The following PCBP3 variants were observed in gnomAD, a reference collection of about 807,000 sequenced individuals.
The protein encoded by PCBP3 is poly(rC) binding protein 3.
Under a neutral mutation model 52.7 loss-of-function variants are expected in PCBP3, and 25 were observed. The ratio of observed to expected loss-of-function variants is 0.47; its 90% CI spans 0.35 to 0.66. The LOEUF (loss-of-function observed/expected upper bound fraction) is 0.66. Among genes scored for constraint, PCBP3 ranks in the 30% least tolerant of loss-of-function variants. The pLI is 0.01. For missense variants in PCBP3, 391 were observed against 490.3 expected, an observed-to-expected ratio of 0.80 and a Z score of 1.91; for synonymous variants, 162 against 183.0, an observed-to-expected ratio of 0.89 and a Z score of 0.93.
rs548296667 is a variant in PCBP3, at chr21:45,922,305, G to A, written c.717+4676G>A. ...ACAGTGGCTCTCTCCTGCGATCCCA[G>A]CACTTTGAGAGGCCAAGATGGGAGG... is the stretch of plus-strand genomic sequence containing the variant. On this transcript the variant is annotated intron_variant, in intron 13 of 17. Coordinates refer to ENST00000681687, the MANE Select transcript of PCBP3 (RefSeq NM_001384156.1). Among the ~76,000 whole-genome samples the A allele has an allele frequency of 9.2e-5, 14 of 152,328 alleles. No individual in the cohort carries two copies. In the East Asian group the frequency reaches 2.7e-3, roughly 29 times the overall value.
intron 2 of PCBP3, among the ~76,000 whole-genome samples, chr21:45,670,026 T>C (rs1160990833): frequency 6.6e-6 from 1 of 151,814 alleles, no homozygotes; most frequent in Non-Finnish European, 1.5e-5. Context: ...TCTTAACTTT[T>C]TGAGGAATGA....
chr21:45,765,152 AG>A (rs1427403574), intron 4 of PCBP3, among the ~76,000 whole-genome samples: 2 of 152,140 alleles, frequency 1.3e-5, no homozygotes, highest in Non-Finnish European at 2.9e-5. Context: ...GGTGCCCTTT[AG>A]GGGAAGGTGG....
At chr21:45,794,789 C>T (rs920483034) in intron 4 of PCBP3, among the ~76,000 whole-genome samples, 8 of 151,954 alleles carry the variant, frequency 5.3e-5, no homozygotes, top group Admixed American at 1.3e-4. Flanking sequence ...ATGAGCCGGG[C>T]GTGGTGGCAG....
At chr21:45,690,178 A>T (rs777119099) in intron 2 of PCBP3, among the ~76,000 whole-genome samples, 6 of 152,186 alleles carry the variant, frequency 3.9e-5, no homozygotes, top group Non-Finnish European at 8.8e-5. Flanking sequence ...AAATAGACCC[A>T]AGCTTGTATG....
chr21:45,646,042 G>T (rs1158121193), intron 1 of PCBP3, among the ~76,000 whole-genome samples: 1 of 126,324 alleles, frequency 7.9e-6, no homozygotes, highest in Non-Finnish European at 1.7e-5. Flanking sequence ...TGCTGAATCC[G>T]TGTCACCTGT....
chr21:45,831,440 A>G (rs1470034507), intron 4 of PCBP3, among the ~76,000 whole-genome samples: 2 of 151,402 alleles, frequency 1.3e-5, no homozygotes, highest in Non-Finnish European at 2.9e-5. Context: ...ATCAAAACTG[A>G]TAAACAACTT....
chr21:45,889,140 T>C (rs2095592492), intron 5 of PCBP3, among the ~76,000 whole-genome samples: 2 of 152,156 alleles, frequency 1.3e-5, no homozygotes, highest in South Asian at 4.1e-4. Context: ...GTCTGTTTCG[T>C]CTGTGGAGAC....
chr21:45,754,853 T>G, intron 3 of PCBP3, among the ~76,000 whole-genome samples: 1 of 152,236 alleles, frequency 6.6e-6, no homozygotes, highest in Non-Finnish European at 1.5e-5. Flanking sequence ...ATTAAAATTT[T>G]GGTTACTTTT....
chr21:45,826,604 A>G (rs2093315381), intron 4 of PCBP3, among the ~76,000 whole-genome samples: 3 of 152,166 alleles, frequency 2.0e-5, no homozygotes, highest in African/African-American at 4.8e-5. Context: ...GGTATTTTAT[A>G]TAAAACATGC....
Position 45,909,382 on chromosome 21 carries a change from C to G in PCBP3, c.367C>G (p.Pro123Ala), listed in dbSNP as rs760080708. ...TATCATCAACTCCATGAGCAACAGC[C>G]CTGCCACCAGCAAGCCCCCAGTGAC... ...EDIINSMSNS[P>A]ATSKPPVTLR... Residue 123 changes from proline (P) to alanine (A), a missense_variant, in exon 10 of 18, where the codon CCT becomes GCT. Transcript: ENST00000681687. 43 of 1,613,154 alleles carry G rather than the reference C, an allele frequency of 2.7e-5. No homozygotes were observed. The highest frequency in any genetic ancestry group is 3.6e-5 in the Non-Finnish European group (43 of 1,179,780).
In PCBP3 at chr21:45,706,805, C is replaced by G. The variant is rs566972377; in HGVS notation, c.-199-28587C>G. On this transcript the variant is annotated intron_variant, in intron 2 of 17. Transcript: ENST00000681687. ...GGACACCAGTAAGCCCCTGTTCTCT[C>G]TCTGCTTCAGTTGATACTGTTTCAG... Among the ~76,000 whole-genome samples, 10 of 152,336 alleles carry G rather than the reference C, an allele frequency of 6.6e-5. No individual in the cohort carries two copies. In the East Asian group the frequency reaches 1.9e-3, roughly 29 times the overall value.
At chr21:45,722,070 GTAATTTAAATAAT>G (rs1460495133) in intron 2 of PCBP3, among the ~76,000 whole-genome samples, 1 of 152,166 alleles carries the variant, frequency 6.6e-6, no homozygotes. Flanking sequence ...CACTACAGCA[GTAATTTAAATAAT>G]TAACAATTGG....
intron 3 of PCBP3, chr21:45,749,362 C>G (rs189741765): frequency 2.0e-5 from 3 of 152,076 alleles, no homozygotes; most frequent in Non-Finnish European, 4.4e-5. Context: ...AGTCACACTG[C>G]GTCTTTTCTT....
At chr21:45,647,250 A>G (rs2079377682) in intron 1 of PCBP3, among the ~76,000 whole-genome samples, 1 of 152,060 alleles carries the variant, frequency 6.6e-6, no homozygotes, top group Admixed American at 6.5e-5. Flanking sequence ...GTTGACAGAA[A>G]CTCAGGAAAA....
intron 1 of PCBP3, among the ~76,000 whole-genome samples, chr21:45,663,860 T>C (rs1055079244): frequency 2.0e-5 from 3 of 152,122 alleles, no homozygotes; most frequent in Non-Finnish European, 4.4e-5. Flanking sequence ...TCTTTTTGGT[T>C]CCATATGAAT....
chr21:45,727,290 C>T lies in PCBP3; in HGVS notation c.-199-8102C>T, dbSNP rs150421111. On this transcript the variant is annotated intron_variant, in intron 2 of 17. Coordinates refer to ENST00000681687, the MANE Select transcript of PCBP3 (RefSeq NM_001384156.1). ...CAGCACCATTTCTTGAAAAGATTAT[C>T]TGTTCCTCATTAAGTTGCCTGGGAA... Among the ~76,000 whole-genome samples, 3 of 152,338 alleles carry T rather than the reference C, an allele frequency of 2.0e-5. No individual in the cohort carries two copies. In the East Asian group the frequency reaches 5.8e-4, roughly 29 times the overall value.
chr21:45,845,724 G>A (rs1184764791), intron 4 of PCBP3, among the ~76,000 whole-genome samples: 3 of 152,266 alleles, frequency 2.0e-5, no homozygotes, highest in Admixed American at 6.5e-5. Context: ...ATGTGAGTGT[G>A]TGCCTTTGCC....
chr21:45,767,643 G>A (rs1163132574), intron 4 of PCBP3, among the ~76,000 whole-genome samples: 1 of 152,240 alleles, frequency 6.6e-6, no homozygotes, highest in African/African-American at 2.4e-5. Context: ...CCTTCTTGAG[G>A]TGGCACTTTT....
At chr21:45,861,447 G>T (rs2094506852) in intron 5 of PCBP3, among the ~76,000 whole-genome samples, 1 of 152,070 alleles carries the variant, frequency 6.6e-6, no homozygotes, top group Non-Finnish European at 1.5e-5. Flanking sequence ...CAGCCTGGGT[G>T]CCAGCCCCAC....
Sources: gnomAD v4.1 joint callset for allele counts (sites outside exome capture counted in the v4.1 genomes callset) on GRCh38, gnomAD v4.1.1 for gene constraint, MANE v1.5 for transcripts, NCBI Gene and HGNC (gene_info 2026-07-23, HGNC 2026-07-21) for gene names.